The following ADAM22 variants were observed in gnomAD, a reference collection of about 807,000 sequenced individuals.
The protein encoded by ADAM22 is disintegrin and metalloproteinase domain-containing protein 22.
ADAM22 carries 65 observed loss-of-function variants against 144.6 expected under a neutral mutation model. The observed-to-expected ratio is 0.45, with a 90% CI of 0.37 to 0.55. ADAM22 has a LOEUF of 0.55. Ranked by LOEUF, ADAM22 falls within the 20% of genes least tolerant of loss-of-function variation. The pLI is 0.00. For synonymous variants in ADAM22, 391 were observed against 412.6 expected (o/e 0.95, Z 0.63); for missense variants, 974 against 1,184.9 (o/e 0.82, Z 2.61).
intron 2 of ADAM22, among the ~76,000 whole-genome samples, chr7:87,973,601 G>A (rs1243089507): frequency 6.6e-6 from 1 of 152,096 alleles, no homozygotes. Flanking sequence ...TATACCCAAA[G>A]GATTATAAAT....
intron 4 of ADAM22, among the ~76,000 whole-genome samples, chr7:88,094,330 A>G (rs572272066): frequency 1.3e-5 from 2 of 152,330 alleles, no homozygotes; most frequent in South Asian, 4.1e-4. Context: ...AAAAAATAAC[A>G]GGTGAATGAA....
chr7:88,183,449 A>T (rs1256318153), intron 29 of ADAM22, among the ~76,000 whole-genome samples: 1 of 152,156 alleles, frequency 6.6e-6, no homozygotes, highest in Non-Finnish European at 1.5e-5. Flanking sequence ...AATCAGTATT[A>T]TGTTAAAGCT....
intron 24 of ADAM22, 47 bp downstream of exon 24, chr7:88,165,993 G>A (rs1264174252): frequency 6.5e-6 from 9 of 1,391,786 alleles, no homozygotes; most frequent in South Asian, 1.3e-5. Flanking sequence ...TACACAAAGA[G>A]AAAGCTGCTC....
chr7:87,978,434 C>T (rs1288229288), intron 3 of ADAM22, 22 bp downstream of exon 3: 1 of 1,603,640 alleles, frequency 6.2e-7, no homozygotes, highest in African/African-American at 1.3e-5. Flanking sequence ...GTTGCACTTG[C>T]TTTTGTCAGA....
chr7:87,954,784 C>G (rs1846214093), intron 2 of ADAM22, among the ~76,000 whole-genome samples: 1 of 152,228 alleles, frequency 6.6e-6, no homozygotes, highest in South Asian at 2.1e-4. Context: ...GTACACCAAT[C>G]AGACGCAGAT....
At chr7:87,949,654 T>A (rs936157794) in intron 2 of ADAM22, among the ~76,000 whole-genome samples, 4 of 152,174 alleles carry the variant, frequency 2.6e-5, no homozygotes, top group African/African-American at 9.6e-5. Context: ...TTTTAGGGTT[T>A]GATTTTTTTA....
intron 2 of ADAM22, among the ~76,000 whole-genome samples, chr7:87,974,157 A>T (rs1174700687): frequency 6.6e-6 from 1 of 151,326 alleles, no homozygotes; most frequent in Non-Finnish European, 1.5e-5. Context: ...CAAAAAAATT[A>T]GCCAGCCGTG....
At chr7:88,094,619 CT>C (rs1195253247) in intron 4 of ADAM22, among the ~76,000 whole-genome samples, 1 of 152,166 alleles carries the variant, frequency 6.6e-6, no homozygotes, top group Non-Finnish European at 1.5e-5. Context: ...GTTTTCTCTT[CT>C]CTTGAAAATC....
intron 3 of ADAM22, among the ~76,000 whole-genome samples, chr7:88,046,475 C>T (rs1443470343): frequency 6.6e-6 from 1 of 152,020 alleles, no homozygotes; most frequent in Non-Finnish European, 1.5e-5. Flanking sequence ...ATGTTAACAC[C>T]TTATCAGATG....
At chr7:88,022,810 A>G (rs906775462) in intron 3 of ADAM22, among the ~76,000 whole-genome samples, 31 of 152,134 alleles carry the variant, frequency 2.0e-4, no homozygotes, top group African/African-American at 7.2e-4. Flanking sequence ...TTTTTCTGAG[A>G]AAAAAACTAT....
At chr7:88,093,587 C>T (rs140196408) in intron 4 of ADAM22, among the ~76,000 whole-genome samples, 7 of 152,158 alleles carry the variant, frequency 4.6e-5, no homozygotes, top group Non-Finnish European at 1.0e-4. Flanking sequence ...CACTCTATCT[C>T]CCAGGCTGGA....
chr7:88,135,219 G>A (rs924175784), intron 13 of ADAM22, among the ~76,000 whole-genome samples: 16 of 145,668 alleles, frequency 1.1e-4, no homozygotes, highest in Middle Eastern at 3.6e-3. Context: ...CGGAGGTTGC[G>A]GTGAGCCAAG....
intron 17 of ADAM22, among the ~76,000 whole-genome samples, chr7:88,148,445 G>C (rs1837244332): frequency 6.6e-6 from 1 of 151,954 alleles, no homozygotes; most frequent in South Asian, 2.1e-4. Context: ...CCTATATGAA[G>C]ACTTAAATAA....
intron 30 of ADAM22, among the ~76,000 whole-genome samples, chr7:88,191,114 G>A (rs139695279): frequency 3.0e-4 from 45 of 152,280 alleles, no homozygotes; most frequent in African/African-American, 9.4e-4. Context: ...TGTAACTAGC[G>A]TGTTATTTTA....
At position 87,934,315 on chromosome 7, in the gene ADAM22, G is replaced by C; in HGVS notation, c.-151G>C. ...CACAATGCAGCACTGAGCCGCGGTG[G>C]AGGTTGCAGCGCCACGGCCGCCGCA... On this transcript the variant is annotated 5_prime_UTR_variant, in exon 1 of 32. Coordinates refer to ENST00000413139, the MANE Select transcript of ADAM22 (RefSeq NM_001324418.2). The C allele has an allele frequency of 1.6e-6, 1 of 631,772 alleles. No homozygotes were observed. Among genetic ancestry groups the C allele is most frequent in the Non-Finnish European group, 2.6e-6 (1 of 385,256 alleles). 39.1% of individuals were successfully genotyped at this position (631,772 alleles called of 1,614,324 possible).
chr7:87,962,566 A>G (rs1161594711), intron 2 of ADAM22, among the ~76,000 whole-genome samples: 1 of 152,096 alleles, frequency 6.6e-6, no homozygotes, highest in Non-Finnish European at 1.5e-5. Context: ...CTTTTTTTTA[A>G]TCATGTGGCA....
intron 3 of ADAM22, among the ~76,000 whole-genome samples, chr7:88,060,791 CTT>C (rs1433051010): frequency 6.7e-6 from 1 of 149,220 alleles, no homozygotes; most frequent in Non-Finnish European, 1.5e-5. Context: ...ACAAAAAACA[CTT>C]TTTTTCGCTC....
At chr7:88,098,089 G>A (rs1821924622) in intron 4 of ADAM22, among the ~76,000 whole-genome samples, 2 of 152,130 alleles carry the variant, frequency 1.3e-5, no homozygotes, top group Admixed American at 1.3e-4. Context: ...ATTAGTGGGT[G>A]TCTAATGATT....
At chr7:88,180,295 A>T (rs1335412266) in intron 27 of ADAM22, among the ~76,000 whole-genome samples, 1 of 152,078 alleles carries the variant, frequency 6.6e-6, no homozygotes, top group Non-Finnish European at 1.5e-5. Flanking sequence ...TTCTACTTGA[A>T]TTCTCTGATA....
Sources: allele counts gnomAD v4.1 joint callset (sites outside exome capture counted in the v4.1 genomes callset), GRCh38; gene constraint gnomAD v4.1.1; transcripts MANE v1.5; gene names NCBI Gene and HGNC (gene_info 2026-07-23, HGNC 2026-07-21).